The following NEXN variants were observed in gnomAD, a reference collection of about 807,000 sequenced individuals.
NEXN encodes nexilin F-actin binding protein.
In NEXN, 65 loss-of-function variants were observed where a neutral mutation model predicts 92.6. The observed-to-expected ratio is 0.70, with a 90% CI of 0.57 to 0.86. The LOEUF (loss-of-function observed/expected upper bound fraction) is 0.86, where lower values mean the gene tolerates loss of function less well. Ranked by LOEUF, NEXN falls within the 40% of genes least tolerant of loss-of-function variation. The pLI, the probability that NEXN is intolerant of heterozygous loss-of-function variation, is 0.00. For synonymous variants in NEXN, 254 were observed against 242.5 expected, an observed-to-expected ratio of 1.05 and a Z score of -0.44; for missense variants, 778 against 771.1, an observed-to-expected ratio of 1.01 and a Z score of -0.11.
At chr1:77,908,908 G>A (rs998903834) in intron 1 of NEXN, among the ~76,000 whole-genome samples, 1 of 152,142 alleles carries the variant, frequency 6.6e-6, no homozygotes, top group African/African-American at 2.4e-5. Flanking sequence ...ATTTAGGTCT[G>A]ATTACCAAAT....
intron 11 of NEXN, 158 bp from the exon 12 acceptor site, chr1:77,941,865 A>T: frequency 6.0e-6 from 4 of 666,788 alleles, no homozygotes; most frequent in Non-Finnish European, 1.0e-5. Flanking sequence ...CTTTTCCTGA[A>T]CTGGAGAGTT....
intron 1 of NEXN, among the ~76,000 whole-genome samples, chr1:77,902,539 T>A (rs139380578): frequency 6.6e-6 from 1 of 152,322 alleles, no homozygotes; most frequent in African/African-American, 2.4e-5. Context: ...ATTTAAAACA[T>A]CTATAAAGAT....
intron 1 of NEXN, among the ~76,000 whole-genome samples, chr1:77,894,786 G>A (rs1647188811): frequency 6.6e-6 from 1 of 151,966 alleles, no homozygotes; most frequent in African/African-American, 2.4e-5. Context: ...CCTGATCCCG[G>A]CTAACTGCAA....
rs963975735 is a variant in NEXN at position 77,941,877 on chromosome 1, G to C, written c.1474-146G>C. On this transcript the variant is annotated intron_variant, in intron 11 of 12. Transcript: ENST00000334785. ...TCACTTTTCCTGAACTGGAGAGTTA[G>C]AAAAAATCTGAGTGTCTGCAGTGTA... 9 of 725,462 alleles carry C rather than the reference G, an allele frequency of 1.2e-5. No individual in the cohort carries two copies. The African/African-American group carries it at 1.4e-4, about 11-fold the overall frequency. 44.9% of individuals were successfully genotyped at this position (725,462 alleles called of 1,614,324 possible). A position where few individuals can be genotyped will look rare whatever the true frequency, so the allele number is the denominator to read the frequency against.
chr1:77,929,564 G>C (rs1426363003), intron 9 of NEXN, 60 bp downstream of exon 9: 2 of 1,600,226 alleles, frequency 1.2e-6, no homozygotes, highest in Admixed American at 3.3e-5. Flanking sequence ...TATGTTAATA[G>C]AATCATTAGA....
At chr1:77,930,591 ATTTC>A (rs1408361157) in intron 9 of NEXN, among the ~76,000 whole-genome samples, 2 of 152,200 alleles carry the variant, frequency 1.3e-5, no homozygotes, top group African/African-American at 4.8e-5. Flanking sequence ...TCTAAAACAA[ATTTC>A]TTTATAGTCT....
rs1571123067 is a variant in NEXN at position 77,921,912 on chromosome 1, G to C, written c.448-3276G>C. On this transcript the variant is annotated intron_variant, in intron 5 of 12. Transcript: ENST00000334785. ...CTGGGCAACACAGCAAGACCCTGCT[G>C]TCTCTACAAAAAAATCTACCAAAAA... 2.0e-5 allele frequency among the ~76,000 whole-genome samples: 3 copies of C among 152,030 alleles called. No homozygotes were observed. The South Asian group carries it at 6.2e-4, about 32-fold the overall frequency.
chr1:77,920,732 C>A (rs1343350401), intron 5 of NEXN, among the ~76,000 whole-genome samples: 1 of 150,880 alleles, frequency 6.6e-6, no homozygotes, highest in Non-Finnish European at 1.5e-5. Flanking sequence ...ATCTGTTTAT[C>A]TTTGAGGATA....
intron 5 of NEXN, 126 bp from the exon 6 acceptor site, chr1:77,925,062 A>G (rs1649739571): frequency 4.5e-6 from 3 of 661,784 alleles, no homozygotes; most frequent in African/African-American, 3.7e-5. Context: ...CAACATAAAC[A>G]TATTTCAAAA....
chr1:77,898,167 G>A (rs1647388802), intron 1 of NEXN, among the ~76,000 whole-genome samples: 1 of 152,094 alleles, frequency 6.6e-6, no homozygotes. Context: ...CTACTTTAAA[G>A]TTCATATGGA....
At chr1:77,916,346 A>G (rs1648974834) in intron 2 of NEXN, among the ~76,000 whole-genome samples, 1 of 152,210 alleles carries the variant, frequency 6.6e-6, no homozygotes, top group Non-Finnish European at 1.5e-5. Context: ...ACAAAGCATG[A>G]GTAGTAAATT....
At position 77,933,480 on chromosome 1, in the gene NEXN, G is replaced by C; in HGVS notation, c.1251+1G>C. The C allele has an allele frequency of 6.3e-7, 1 of 1,595,426 alleles. No individual in the cohort carries two copies. Among genetic ancestry groups the C allele is most frequent in the Non-Finnish European group, 8.6e-7 (1 of 1,163,806 alleles). ...ACAACTGAGACAGGAAATGGGAGAGGTAAGATTTTAAGAAATATCTATATT... is the reference window on the plus strand; with the variant it reads ...ACAACTGAGACAGGAAATGGGAGAGCTAAGATTTTAAGAAATATCTATATT... On this transcript the variant is annotated splice_donor_variant, in intron 10 of 12. Coordinates refer to ENST00000334785, the MANE Select transcript of NEXN (RefSeq NM_144573.4). LOFTEE classifies it high-confidence loss of function.
chr1:77,892,607 A>G (rs563471429), intron 1 of NEXN, among the ~76,000 whole-genome samples: 4 of 152,340 alleles, frequency 2.6e-5, no homozygotes, highest in Admixed American at 1.3e-4. Flanking sequence ...TATGATGGAA[A>G]GTCTGCTGTA....
At chr1:77,892,548 G>A (rs190165198) in intron 1 of NEXN, among the ~76,000 whole-genome samples, 21 of 152,282 alleles carry the variant, frequency 1.4e-4, no homozygotes, top group Non-Finnish European at 1.5e-5. Flanking sequence ...GAATACTTGA[G>A]TATGCAGTCC....
chr1:77,891,406 G>A (rs1387977953), intron 1 of NEXN, among the ~76,000 whole-genome samples: 1 of 152,100 alleles, frequency 6.6e-6, no homozygotes, highest in Non-Finnish European at 1.5e-5. Flanking sequence ...ATCCCATGCA[G>A]TGTCTGCCAT....
intron 10 of NEXN, among the ~76,000 whole-genome samples, chr1:77,934,967 T>C (rs1225188115): frequency 6.6e-6 from 1 of 152,188 alleles, no homozygotes; most frequent in Non-Finnish European, 1.5e-5. Context: ...GTGGCTCTAT[T>C]TAGAGATGAA....
At chr1:77,926,173 A>C (rs1179430010) in intron 6 of NEXN, among the ~76,000 whole-genome samples, 1 of 152,138 alleles carries the variant, frequency 6.6e-6, no homozygotes, top group Non-Finnish European at 1.5e-5. Flanking sequence ...AGCTGTATTA[A>C]CTCCATCTTC....
chr1:77,911,908 G>A (rs971630969), intron 1 of NEXN, among the ~76,000 whole-genome samples: 6 of 151,686 alleles, frequency 4.0e-5, no homozygotes, highest in African/African-American at 1.4e-4. Flanking sequence ...GTGAAACCCC[G>A]TCTCTACTAA....
chr1:77,928,982 G>C (rs1212707802), intron 8 of NEXN, among the ~76,000 whole-genome samples: 2 of 152,158 alleles, frequency 1.3e-5, no homozygotes, highest in African/African-American at 4.8e-5. Flanking sequence ...GAACTCCTGG[G>C]TTCAAGTGAT....
Sources: allele counts gnomAD v4.1 joint callset (sites outside exome capture counted in the v4.1 genomes callset), GRCh38; gene constraint gnomAD v4.1.1; transcripts MANE v1.5; gene names NCBI Gene and HGNC (gene_info 2026-07-23, HGNC 2026-07-21).